Variants in WDR70 observed in about 807,000 individuals in gnomAD.
WDR70 encodes WD repeat-containing protein 70.
Under a neutral mutation model 88.6 loss-of-function variants are expected in WDR70, and 53 were observed. That is an observed-to-expected ratio of 0.60 (90% CI 0.48 to 0.75). WDR70 has a LOEUF of 0.75. Among genes scored for constraint, WDR70 ranks in the 30% least tolerant of loss-of-function variants. The probability of loss-of-function intolerance (pLI) is 0.00; values close to 1 mark genes in which losing one functional copy is unlikely to be tolerated. For missense variants in WDR70, 610 were observed against 823.2 expected, an observed-to-expected ratio of 0.74 and a Z score of 3.17; for synonymous variants, 280 against 270.0, an observed-to-expected ratio of 1.04 and a Z score of -0.36.
intron 7 of WDR70, among the ~76,000 whole-genome samples, chr5:37,468,841 G>T (rs961852993): frequency 6.6e-6 from 1 of 152,082 alleles, no homozygotes; most frequent in Non-Finnish European, 1.5e-5. Flanking sequence ...CATTTACATT[G>T]GATATTGAGT....
At chr5:37,461,644 C>G (rs528245450) in intron 7 of WDR70, among the ~76,000 whole-genome samples, 1 of 152,000 alleles carries the variant, frequency 6.6e-6, no homozygotes, top group Admixed American at 6.6e-5. Flanking sequence ...CCACCACACC[C>G]GGCTAATTTT....
At chr5:37,388,910 A>C (rs1212347549) in intron 3 of WDR70, among the ~76,000 whole-genome samples, 4 of 151,976 alleles carry the variant, frequency 2.6e-5, no homozygotes, top group Non-Finnish European at 5.9e-5. Context: ...ATAGTAAAAA[A>C]GGGGGAAATG....
chr5:37,409,016 G>A (rs1296399175), intron 5 of WDR70, among the ~76,000 whole-genome samples: 1 of 152,040 alleles, frequency 6.6e-6, no homozygotes, highest in East Asian at 1.9e-4. Flanking sequence ...TTGGCTCGCT[G>A]CAACCTCCGC....
At chr5:37,482,290 C>T (rs1427434845) in intron 8 of WDR70, among the ~76,000 whole-genome samples, 2 of 152,090 alleles carry the variant, frequency 1.3e-5, no homozygotes, top group African/African-American at 4.8e-5. Context: ...TCTGTTCTCA[C>T]ACTGCAAATA....
intron 7 of WDR70, among the ~76,000 whole-genome samples, chr5:37,454,546 G>A (rs1738776306): frequency 6.6e-6 from 1 of 152,152 alleles, no homozygotes. Flanking sequence ...TTGCGTTTCT[G>A]AGTCAATCCT....
chr5:37,461,608 T>C (rs1383357264), intron 7 of WDR70, among the ~76,000 whole-genome samples: 1 of 151,998 alleles, frequency 6.6e-6, no homozygotes, highest in Non-Finnish European at 1.5e-5. Context: ...CTCAGCCACC[T>C]GAGGAGCTGG....
intron 10 of WDR70, among the ~76,000 whole-genome samples, chr5:37,652,448 G>A (rs1417000447): frequency 6.6e-6 from 1 of 152,118 alleles, no homozygotes; most frequent in African/African-American, 2.4e-5. Context: ...CATATGAAAT[G>A]TAAAGTAGTT....
At chr5:37,653,308 T>C (rs1745458977) in intron 10 of WDR70, among the ~76,000 whole-genome samples, 1 of 152,216 alleles carries the variant, frequency 6.6e-6, no homozygotes, top group Non-Finnish European at 1.5e-5. Context: ...TCATGGTGGA[T>C]AAGCTTTTTG....
chr5:37,461,567 T>C lies in WDR70; in HGVS notation c.686+18195T>C, dbSNP rs1168845957. 4.6e-5 allele frequency among the ~76,000 whole-genome samples: 7 copies of C among 152,014 alleles called. No homozygotes were observed. In the East Asian group the frequency reaches 1.4e-3, roughly 30 times the overall value. On this transcript the variant is annotated intron_variant, in intron 7 of 17. Coordinates refer to ENST00000265107, the MANE Select transcript of WDR70 (RefSeq NM_018034.4). ...GGCGCCATCTCCGCTCACTGCAAGCTCTGCCTCCTGGGTTCACGCCGTTCT... is the reference window on the plus strand; with the variant it reads ...GGCGCCATCTCCGCTCACTGCAAGCCCTGCCTCCTGGGTTCACGCCGTTCT...
intron 8 of WDR70, among the ~76,000 whole-genome samples, chr5:37,502,161 G>A (rs56775633): frequency 0.16 from 25,065 of 152,012 alleles, 2,189 homozygotes; most frequent in South Asian, 0.27. Flanking sequence ...CCTTGGTTAA[G>A]TATACTGCTA....
intron 2 of WDR70, among the ~76,000 whole-genome samples, chr5:37,380,542 C>T (rs1456874916): frequency 6.6e-6 from 1 of 152,064 alleles, no homozygotes; most frequent in Non-Finnish European, 1.5e-5. Context: ...CAGGGTTTCA[C>T]CGTGTTAGCC....
At chr5:37,379,446 G>A in intron 1 of WDR70, 43 bp from the exon 2 acceptor site, 2 of 1,613,778 alleles carry the variant, frequency 1.2e-6, no homozygotes, top group Non-Finnish European at 8.5e-7. Flanking sequence ...GGGAGCTGGG[G>A]CGCCGCACTA....
chr5:37,478,376 C>T (rs1039800951), intron 7 of WDR70, among the ~76,000 whole-genome samples: 2 of 152,204 alleles, frequency 1.3e-5, no homozygotes, highest in African/African-American at 2.4e-5. Flanking sequence ...ATGGGTTTCT[C>T]ATTGCTAGCC....
At chr5:37,555,901 T>G (rs1416452354) in intron 9 of WDR70, among the ~76,000 whole-genome samples, 2 of 152,098 alleles carry the variant, frequency 1.3e-5, no homozygotes, top group East Asian at 3.8e-4. Flanking sequence ...ATGTTTTTAG[T>G]AGAGATGGAG....
intron 10 of WDR70, among the ~76,000 whole-genome samples, chr5:37,671,273 A>G (rs1427287946): frequency 2.0e-5 from 3 of 152,102 alleles, no homozygotes. Context: ...TATTATTGGA[A>G]TTTGTGTTTT....
chr5:37,735,670 A>G (rs925478908), intron 17 of WDR70, among the ~76,000 whole-genome samples: 4 of 152,188 alleles, frequency 2.6e-5, no homozygotes, highest in East Asian at 1.9e-4. Context: ...TTCACCTGCT[A>G]GAGTATACTG....
In WDR70 at chr5:37,723,082, G is replaced by C. The variant is rs568254555; in HGVS notation, c.1597+148G>C. 1.4e-5 allele frequency: 12 copies of C among 834,512 alleles called. No individual in the cohort carries two copies. The African/African-American group carries it at 1.9e-4, about 13-fold the overall frequency. 51.7% of individuals were successfully genotyped at this position (834,512 alleles called of 1,614,324 possible). On this transcript the variant is annotated intron_variant, in intron 15 of 17. Transcript: ENST00000265107. ...TCATGTGGATAGGACTACGAGTCAT[G>C]TAACAGCTAACCTCTGTGGCTTCTG...
At chr5:37,595,156 G>C (rs1743664456) in intron 9 of WDR70, among the ~76,000 whole-genome samples, 1 of 152,072 alleles carries the variant, frequency 6.6e-6, no homozygotes, top group African/African-American at 2.4e-5. Context: ...TGATTGCCCT[G>C]GCCAGAACTT....
intron 10 of WDR70, among the ~76,000 whole-genome samples, chr5:37,651,064 C>T (rs1745396619): frequency 6.6e-6 from 1 of 151,560 alleles, no homozygotes; most frequent in Admixed American, 6.6e-5. Context: ...CTGCACTCAT[C>T]AACCCGTCGT....
Sources: allele counts gnomAD v4.1 joint callset (sites outside exome capture counted in the v4.1 genomes callset), GRCh38; gene constraint gnomAD v4.1.1; transcripts MANE v1.5; gene names NCBI Gene and HGNC (gene_info 2026-07-23, HGNC 2026-07-21).